The following DPYSL3 variants were observed in gnomAD, a reference collection of about 807,000 sequenced individuals.
The protein encoded by DPYSL3 is dihydropyrimidinase like 3.
Under a neutral mutation model 66.1 loss-of-function variants are expected in DPYSL3, and 16 were observed. The observed-to-expected ratio is 0.24, with a 90% CI of 0.16 to 0.37. The LOEUF (loss-of-function observed/expected upper bound fraction) is 0.37. DPYSL3 is among the 10% of genes least tolerant of loss of function. DPYSL3 has a pLI of 1.00. For missense variants in DPYSL3, 738 were observed against 916.2 expected, an observed-to-expected ratio of 0.81 and a Z score of 2.51; for synonymous variants, 338 against 345.1, an observed-to-expected ratio of 0.98 and a Z score of 0.23.
chr5:147,403,982 A>T (rs1044437778), intron 8 of DPYSL3, among the ~76,000 whole-genome samples: 2 of 152,280 alleles, frequency 1.3e-5, no homozygotes, highest in Admixed American at 6.5e-5. Flanking sequence ...GAGCGGCCCT[A>T]GGTCACCCTA....
intron 1 of DPYSL3, among the ~76,000 whole-genome samples, chr5:147,445,422 C>T (rs915725707): frequency 6.6e-6 from 1 of 152,188 alleles, no homozygotes; most frequent in African/African-American, 2.4e-5. Context: ...AGCTTATGTA[C>T]AAGAACAAAT....
intron 1 of DPYSL3, among the ~76,000 whole-genome samples, chr5:147,430,262 G>A (rs541678705): frequency 2.0e-5 from 3 of 152,146 alleles, no homozygotes; most frequent in Admixed American, 1.3e-4. Flanking sequence ...TTGGGAGGCC[G>A]AGGCGGGTGG....
In DPYSL3 at chr5:147,401,604, C is replaced by T. The variant is rs1464233292; in HGVS notation, c.1246G>A (p.Val416Met). Residue 416 changes from valine (V) to methionine (M), a missense_variant, in exon 9 of 14, where the codon GTG (valine) becomes ATG (methionine). Val to Met is a conservative substitution (Grantham distance 21, BLOSUM62 1). Coordinates refer to ENST00000343218, the MANE Select transcript of DPYSL3 (RefSeq NM_001197294.2). ...SKNWAKAAAF[V>M]TSPPLSPDPT... ...TCAGGGCTCAGGGGTGGGGATGTCA[C>T]AAATGCAGCCGCCTTGGCCCAGTTC... is the stretch of plus-strand genomic sequence containing the variant. 6 of 1,613,872 alleles carry T rather than the reference C, an allele frequency of 3.7e-6. No individual in the cohort carries two copies. In the South Asian group the frequency reaches 6.6e-5, roughly 18 times the overall value.
rs555809086 is a variant in DPYSL3 at position 147,430,468 on chromosome 5, C to T, written c.382-5505G>A. On this transcript the variant is annotated intron_variant, in intron 1 of 13. Transcript: ENST00000343218. The stretch of plus-strand genomic sequence containing the variant: ...GAGATTGCAGTGAGCCAAGATCGCA[C>T]CATTGCACTCCGGCCTAGGCAACAG... Among the ~76,000 whole-genome samples, 40 of 147,724 alleles carry T rather than the reference C, an allele frequency of 2.7e-4. No homozygotes were observed. The Middle Eastern group carries it at 0.014, about 52-fold the overall frequency.
intron 11 of DPYSL3, among the ~76,000 whole-genome samples, chr5:147,398,279 C>T (rs1758056586): frequency 6.6e-6 from 1 of 152,084 alleles, no homozygotes. Context: ...TTTCTCCCTA[C>T]CTCCTTCATT....
intron 1 of DPYSL3, among the ~76,000 whole-genome samples, chr5:147,485,357 A>G (rs1753314062): frequency 6.6e-6 from 1 of 152,192 alleles, no homozygotes; most frequent in African/African-American, 2.4e-5. Context: ...CAAAGAGCTG[A>G]TCATGCCTTC....
intron 1 of DPYSL3, among the ~76,000 whole-genome samples, chr5:147,475,772 T>C (rs1382340292): frequency 6.6e-6 from 1 of 152,118 alleles, no homozygotes; most frequent in Non-Finnish European, 1.5e-5. Flanking sequence ...ATGAAGAAGA[T>C]GACTCAAACT....
intron 1 of DPYSL3, among the ~76,000 whole-genome samples, chr5:147,502,797 CG>C (rs1440161556): frequency 6.6e-6 from 1 of 152,042 alleles, no homozygotes; most frequent in Non-Finnish European, 1.5e-5. Context: ...AGGATGATCT[CG>C]ATCTCATGAC....
intron 1 of DPYSL3, among the ~76,000 whole-genome samples, chr5:147,447,698 C>G (rs1752652439): frequency 6.6e-6 from 1 of 152,104 alleles, no homozygotes; most frequent in Non-Finnish European, 1.5e-5. Flanking sequence ...TGGAGAAACC[C>G]TGTCTCTACT....
chr5:147,450,059 G>A (rs896943476), intron 1 of DPYSL3, among the ~76,000 whole-genome samples: 3 of 152,234 alleles, frequency 2.0e-5, no homozygotes, highest in Non-Finnish European at 2.9e-5. Flanking sequence ...AGGCAGAGGC[G>A]GAGACACCAA....
At position 147,401,714 on chromosome 5, in the gene DPYSL3, C is replaced by G; in HGVS notation, c.1154-18G>C. Reference sequence around the variant, plus strand: ...TACATTTCCTAGAAGGGGCAGGAAACAGACAAGGGGTTAGCATAAAGTATA... The same window carrying G: ...TACATTTCCTAGAAGGGGCAGGAAAGAGACAAGGGGTTAGCATAAAGTATA... On this transcript the variant is annotated intron_variant, in intron 8 of 13. Transcript: ENST00000343218. 6.2e-7 allele frequency: 1 copy of G among 1,613,812 alleles called. No homozygotes were observed.
chr5:147,501,162 C>T (rs72833362), intron 1 of DPYSL3, among the ~76,000 whole-genome samples: 14,778 of 152,168 alleles, frequency 0.097, 929 homozygotes, highest in Middle Eastern at 0.2. Flanking sequence ...CATGTAGAGA[C>T]GTGGGGAAAA....
chr5:147,502,318 A>T (rs950809990), intron 1 of DPYSL3, among the ~76,000 whole-genome samples: 2 of 152,042 alleles, frequency 1.3e-5, no homozygotes, highest in Non-Finnish European at 2.9e-5. Flanking sequence ...ATAAAAAATA[A>T]TTTAAACACA....
chr5:147,489,726 C>A, intron 1 of DPYSL3, among the ~76,000 whole-genome samples: 1 of 146,434 alleles, frequency 6.8e-6, no homozygotes, highest in Non-Finnish European at 1.5e-5. Context: ...GCGTTCTTTC[C>A]TTTTATGTTT....
At position 147,394,110 on chromosome 5, in the gene DPYSL3, A is replaced by G; in HGVS notation, c.1980T>C (p.Asp660=). Residue 660 remains aspartate, a synonymous_variant, in exon 14 of 14, where the codon GAT becomes GAC. Transcript: ENST00000343218. ...SGFSLSGTQV[D]EGVRSASKRI... ...GCTTGCTGGCTGAGCGAACCCCCTC[A>G]TCCACTTGGGTGCCTACAGTTGGAA... The G allele has an allele frequency of 6.2e-7, 1 of 1,614,036 alleles. No homozygotes were observed. Among genetic ancestry groups the G allele is most frequent in the Non-Finnish European group, 8.5e-7 (1 of 1,180,006 alleles).
intron 8 of DPYSL3, among the ~76,000 whole-genome samples, chr5:147,403,909 G>T (rs1028264899): frequency 6.6e-6 from 1 of 152,130 alleles, no homozygotes; most frequent in African/African-American, 2.4e-5. Flanking sequence ...AAGGCTCAGG[G>T]TTAGGAATTT....
In DPYSL3 at chr5:147,390,894, AAC is replaced by A. The variant is rs1468179092; in HGVS notation, c.*3139_*3140del. The A allele has an allele frequency of 6.6e-6, 1 of 152,652 alleles. No homozygotes were observed. The highest frequency in any genetic ancestry group is 2.4e-5 in the African/African-American group (1 of 41,458). 9.5% of individuals were successfully genotyped at this position (152,652 alleles called of 1,614,324 possible). On this transcript the variant is annotated 3_prime_UTR_variant, in exon 14 of 14. Transcript: ENST00000343218. ...TTTCTTTAATGTCAGCTAAACTCAA[AAC>A]ACAGTTTTGTTCACGGTTCAAACCA...
At chr5:147,441,643 A>G (rs1037015900) in intron 1 of DPYSL3, among the ~76,000 whole-genome samples, 1 of 152,226 alleles carries the variant, frequency 6.6e-6, no homozygotes, top group African/African-American at 2.4e-5. Flanking sequence ...AGAGCAAGGA[A>G]AAATGAGTCC....
At position 147,474,038 on chromosome 5, in the gene DPYSL3, C is replaced by T. The variant is rs993378187; in HGVS notation, c.381+35440G>A. Among the ~76,000 whole-genome samples, 4 of 152,156 alleles carry T rather than the reference C, an allele frequency of 2.6e-5. No homozygotes were observed. In the South Asian group the frequency reaches 8.3e-4, roughly 32 times the overall value. On this transcript the variant is annotated intron_variant, in intron 1 of 13. Coordinates refer to ENST00000343218, the MANE Select transcript of DPYSL3 (RefSeq NM_001197294.2). ...ACACAGAAACACCTGGTTTTCTATCCTGGCTACATAAAATACTTGCTTTAT... is the reference window on the plus strand; with the variant it reads ...ACACAGAAACACCTGGTTTTCTATCTTGGCTACATAAAATACTTGCTTTAT...
Sources: gnomAD v4.1 joint callset for allele counts (sites outside exome capture counted in the v4.1 genomes callset) on GRCh38, gnomAD v4.1.1 for gene constraint, MANE v1.5 for transcripts, NCBI Gene and HGNC (gene_info 2026-07-23, HGNC 2026-07-21) for gene names.